The following CDR2L variants were observed in gnomAD, a reference collection of about 807,000 sequenced individuals.
CDR2L encodes the protein cerebellar degeneration related protein 2 like.
A neutral mutation model predicts 36.1 loss-of-function variants in CDR2L; 19 were observed. That is an observed-to-expected ratio of 0.53 (90% CI 0.37 to 0.77). The LOEUF (loss-of-function observed/expected upper bound fraction) is 0.77. CDR2L is among the 30% of genes least tolerant of loss of function. The pLI is 0.00. For synonymous variants in CDR2L, 285 were observed against 280.4 expected (o/e 1.02, Z -0.16); for missense variants, 575 against 627.2 (o/e 0.92, Z 0.89).
chr17:74,999,511 C>T lies in CDR2L; in HGVS notation c.87C>T (p.His29=), dbSNP rs142270531. 3 of 1,569,988 alleles carry T rather than the reference C, an allele frequency of 1.9e-6. No homozygotes were observed. The highest frequency in any genetic ancestry group is 2.6e-6 in the Non-Finnish European group (3 of 1,157,282). The change falls in exon 2 of 5, where the codon CAC becomes CAT. Residue 29 remains histidine (H), a synonymous_variant. Transcript: ENST00000337231. ...GTGTTTCTCCTATCCTAGACTTGCA[C>T]CTAGCTGCGGAGCTGGGGAAGACTC... ...YDQQDLEQDL[H]LAAELGKTLL... is the part of the protein sequence containing the mutation.
Position 75,003,552 on chromosome 17 carries a change from C to A in CDR2L, c.876C>A (p.Arg292=). 6.6e-7 allele frequency: 1 copy of A among 1,511,246 alleles called. No homozygotes were observed. Among genetic ancestry groups the A allele is most frequent in the East Asian group, 2.5e-5 (1 of 40,520 alleles). 93.6% of individuals were successfully genotyped at this position (1,511,246 alleles called of 1,614,324 possible). Residue 292 remains arginine (R), a synonymous_variant, in exon 5 of 5, where the codon CGC becomes CGA. Transcript: ENST00000337231. The part of the protein sequence containing the change: ...APEADDPQPG[R]GDDLGAQDGV... Reference sequence around the variant, plus strand: ...AGGCCGACGATCCCCAGCCCGGCCGCGGGGACGACTTGGGCGCCCAGGACG... The same window carrying A: ...AGGCCGACGATCCCCAGCCCGGCCGAGGGGACGACTTGGGCGCCCAGGACG...
Position 75,003,499 on chromosome 17 carries a change from C to T in CDR2L, c.823C>T (p.Leu275=), listed in dbSNP as rs772624343. 8.4e-6 allele frequency: 13 copies of T among 1,547,732 alleles called. No individual in the cohort carries two copies. The highest frequency in any genetic ancestry group is 1.1e-5 in the Non-Finnish European group (13 of 1,145,730). ...LGPDDHLAEA[L]LAPLTQAPEA... is the part of the protein sequence containing the mutation. ...TCCGGACGACCACCTGGCCGAGGCC[C>T]TGCTCGCACCCCTCACGCAGGCCCC... The change falls in exon 5 of 5, where the codon CTG becomes TTG. Residue 275 remains leucine (L), a synonymous_variant. Transcript: ENST00000337231.
At position 75,001,335 on chromosome 17, in the gene CDR2L, C is replaced by T; in HGVS notation, c.193-6C>T. 1 of 1,600,272 alleles carries T rather than the reference C, an allele frequency of 6.2e-7. No individual in the cohort carries two copies. The highest frequency in any genetic ancestry group is 8.5e-7 in the Non-Finnish European group (1 of 1,174,004). ...AAAAAGTTACTCAATGTCCTTCCAC[C>T]CCCAGTACCTAACCAAGCAGCTGGA... On this transcript the variant is annotated splice_region_variant and splice_polypyrimidine_tract_variant and intron_variant, in intron 2 of 4. Transcript: ENST00000337231.
At position 74,989,073 on chromosome 17, in the gene CDR2L, G is replaced by A. The variant is rs2039780613; in HGVS notation, c.79+951G>A. Among the ~76,000 whole-genome samples the A allele has an allele frequency of 6.6e-6, 1 of 152,186 alleles. No homozygotes were observed. The highest frequency in any genetic ancestry group is 1.5e-5 in the Non-Finnish European group (1 of 68,026). ...AGAAGTGACCTTCCCATGGCCTCCA[G>A]CAAGCTGGGGGGTGTGGACATAAGT... On this transcript the variant is annotated intron_variant, in intron 1 of 4. Transcript: ENST00000337231. The surrounding 1 kb of genome is among the most constrained non-coding windows in gnomAD (Gnocchi z 4.2).
intron 1 of CDR2L, 135 bp from the exon 2 acceptor site, chr17:74,999,368 CT>C: frequency 1.6e-6 from 1 of 636,666 alleles, no homozygotes; most frequent in Non-Finnish European, 2.9e-6. Flanking sequence ...AAAGGCTTAG[CT>C]CCTGGCTTAC....
In CDR2L at chr17:75,003,360, G is replaced by C; in HGVS notation, c.684G>C (p.Ser228=). ...REYTAVLQEY[S]ELERQLCEME... ...ACACCGCGGTGCTGCAGGAGTACTCGGAGCTGGAGCGCCAGCTGTGCGAGA... is the reference window on the plus strand; with the variant it reads ...ACACCGCGGTGCTGCAGGAGTACTCCGAGCTGGAGCGCCAGCTGTGCGAGA... The change falls in exon 5 of 5, where the codon TCG becomes TCC. Residue 228 remains serine, a synonymous_variant. Coordinates refer to ENST00000337231, the MANE Select transcript of CDR2L (RefSeq NM_014603.3). 6.4e-7 allele frequency: 1 copy of C among 1,558,158 alleles called. No homozygotes were observed. Among genetic ancestry groups the C allele is most frequent in the Non-Finnish European group, 8.7e-7 (1 of 1,151,798 alleles).
Position 75,002,002 on chromosome 17 carries a change from G to A in CDR2L, c.342-62G>A, listed in dbSNP as rs900793196. 3.6e-6 allele frequency: 5 copies of A among 1,405,808 alleles called. No homozygotes were observed. Among genetic ancestry groups the A allele is most frequent in the African/African-American group, 1.5e-5 (1 of 67,826 alleles). The allele number at this position is 1,405,808 out of a possible 1,614,324, so 87.1% of individuals were successfully genotyped here. A position where few individuals can be genotyped will look rare whatever the true frequency, so the allele number is the denominator to read the frequency against. ...CCTCCATCTTCAGGGAGCCAGGGCT[G>A]CCGTGAGGCAAACTGGCCCCATCCC... On this transcript the variant is annotated intron_variant, in intron 3 of 4. Coordinates refer to ENST00000337231, the MANE Select transcript of CDR2L (RefSeq NM_014603.3). The surrounding 1 kb of genome is among the most constrained non-coding windows in gnomAD (Gnocchi z 4.1).
At position 75,003,450 on chromosome 17, in the gene CDR2L, G is replaced by A; in HGVS notation, c.774G>A (p.Lys258=). Residue 258 remains lysine (K), a synonymous_variant, in exon 5 of 5, where the codon AAG becomes AAA. Coordinates refer to ENST00000337231, the MANE Select transcript of CDR2L (RefSeq NM_014603.3). ...AGCTGCTGGAGCTGCAGCAGATGAA[G>A]CAGGCCAAGACCTACCTACTGGGTC... ...EAELLELQQM[K]QAKTYLLGPD... 1 of 1,577,982 alleles carries A rather than the reference G, an allele frequency of 6.3e-7. No homozygotes were observed. Among genetic ancestry groups the A allele is most frequent in the Non-Finnish European group, 8.6e-7 (1 of 1,163,070 alleles).
chr17:74,991,696 G>A (rs920978771), intron 1 of CDR2L, among the ~76,000 whole-genome samples: 7 of 150,220 alleles, frequency 4.7e-5, no homozygotes, highest in South Asian at 4.3e-4. Context: ...CAGCCTGGGC[G>A]ACAGAGTGAG....
At position 75,001,332 on chromosome 17, in the gene CDR2L, C is replaced by A; in HGVS notation, c.193-9C>A. On this transcript the variant is annotated splice_polypyrimidine_tract_variant and intron_variant, in intron 2 of 4. Coordinates refer to ENST00000337231, the MANE Select transcript of CDR2L (RefSeq NM_014603.3). Reference sequence around the variant, plus strand: ...TCTAAAAAGTTACTCAATGTCCTTCCACCCCCAGTACCTAACCAAGCAGCT... The same window carrying A: ...TCTAAAAAGTTACTCAATGTCCTTCAACCCCCAGTACCTAACCAAGCAGCT... 2 of 1,594,140 alleles carry A rather than the reference C, an allele frequency of 1.3e-6. No individual in the cohort carries two copies. The highest frequency in any genetic ancestry group is 1.1e-5 in the South Asian group (1 of 87,846).
chr17:74,992,305 C>T (rs1034929671), intron 1 of CDR2L, among the ~76,000 whole-genome samples: 1 of 152,084 alleles, frequency 6.6e-6, no homozygotes, highest in East Asian at 1.9e-4. Context: ...GAAGGAGACC[C>T]CAGAAAACCC....
At chr17:75,001,715 C>A (rs529265420) in intron 3 of CDR2L, among the ~76,000 whole-genome samples, 1 of 152,162 alleles carries the variant, frequency 6.6e-6, no homozygotes, top group Non-Finnish European at 1.5e-5. Context: ...GGGGATGCAA[C>A]GATGGGGAAA....
intron 1 of CDR2L, 90 bp downstream of exon 1, chr17:74,988,212 G>GGGGCT (rs1237469455): frequency 1.1e-5 from 11 of 1,013,800 alleles, no homozygotes. Context: ...CACCCCGGGA[G>GGGGCT]GGGCTGGGCT....
intron 1 of CDR2L, among the ~76,000 whole-genome samples, chr17:74,990,143 G>C (rs143436457): frequency 1.3e-5 from 2 of 152,342 alleles, no homozygotes; most frequent in East Asian, 3.9e-4. Context: ...GGGCATAGAG[G>C]TGGGAGATGC....
intron 1 of CDR2L, among the ~76,000 whole-genome samples, chr17:74,998,036 C>T (rs907183184): frequency 3.3e-5 from 5 of 151,396 alleles, no homozygotes; most frequent in African/African-American, 1.2e-4. Flanking sequence ...CTGGCTAACA[C>T]GGTGAAACCC....
chr17:74,999,528 G>T lies in CDR2L; in HGVS notation c.104G>T (p.Gly35Val). 6.3e-7 allele frequency: 1 copy of T among 1,582,410 alleles called. No homozygotes were observed. Among genetic ancestry groups the T allele is most frequent in the East Asian group, 2.3e-5 (1 of 43,344 alleles). The change falls in exon 2 of 5, where the codon GGG (glycine) becomes GTG (valine). Residue 35 changes from glycine (G) to valine (V), a missense_variant. Coordinates refer to ENST00000337231, the MANE Select transcript of CDR2L (RefSeq NM_014603.3). Reference protein sequence around the residue: ...EQDLHLAAELGKTLLERNKEL... With the variant: ...EQDLHLAAELVKTLLERNKEL... ...GACTTGCACCTAGCTGCGGAGCTGG[G>T]GAAGACTCTGCTGGAGAGGAACAAG...
At chr17:74,996,554 G>C (rs1379046271) in intron 1 of CDR2L, among the ~76,000 whole-genome samples, 2 of 151,920 alleles carry the variant, frequency 1.3e-5, no homozygotes, top group South Asian at 4.1e-4. Context: ...ACACAACTCA[G>C]ACCCACCAAG....
chr17:74,997,987 G>A lies in CDR2L; in HGVS notation c.80-1517G>A, dbSNP rs541784844. Among the ~76,000 whole-genome samples the A allele has an allele frequency of 1.4e-4, 21 of 151,430 alleles. 1 individual carries two copies. The highest frequency in any genetic ancestry group is 7.8e-4 in the East Asian group (4 of 5,160). On this transcript the variant is annotated intron_variant, in intron 1 of 4. Transcript: ENST00000337231. ...TGTAATCCCAGCACTTTGGGAGGCCGAGGCGGGTGGATCACGAGGTCAGGA... is the reference window on the plus strand; with the variant it reads ...TGTAATCCCAGCACTTTGGGAGGCCAAGGCGGGTGGATCACGAGGTCAGGA...
rs1163169063 is a variant in CDR2L, at chr17:75,002,693, G to C, written c.506+465G>C. 2.0e-5 allele frequency among the ~76,000 whole-genome samples: 3 copies of C among 152,214 alleles called. No individual in the cohort carries two copies. On this transcript the variant is annotated intron_variant, in intron 4 of 4. Transcript: ENST00000337231. The surrounding 1 kb of genome is among the most constrained non-coding windows in gnomAD (Gnocchi z 4.1). Reference sequence around the variant, plus strand: ...GTCTCTTACACAGAGTAATGGAGAAGTTAAATGAAGAAGAGGTGTGGGCAG... The same window carrying C: ...GTCTCTTACACAGAGTAATGGAGAACTTAAATGAAGAAGAGGTGTGGGCAG...
Sources: gnomAD v4.1 joint callset for allele counts (sites outside exome capture counted in the v4.1 genomes callset) on GRCh38, gnomAD v4.1.1 for gene constraint, Gnocchi (gnomAD v3.1) non-coding constraint, MANE v1.5 for transcripts, NCBI Gene and HGNC (gene_info 2026-07-23, HGNC 2026-07-21) for gene names.